The following STRADB variants were observed in gnomAD, a reference collection of about 807,000 sequenced individuals.
STRADB encodes the protein STE20 related adaptor beta.
Under a neutral mutation model 52.1 loss-of-function variants are expected in STRADB, and 34 were observed. The observed-to-expected ratio is 0.65, with a 90% CI of 0.50 to 0.87. STRADB has a LOEUF of 0.87. Among genes scored for constraint, STRADB ranks in the 40% least tolerant of loss-of-function variants. STRADB has a pLI of 0.00. For synonymous variants in STRADB, 133 were observed against 174.5 expected, an observed-to-expected ratio of 0.76 and a Z score of 1.87; for missense variants, 340 against 483.9, an observed-to-expected ratio of 0.70 and a Z score of 2.79.
intron 4 of STRADB, among the ~76,000 whole-genome samples, chr2:201,471,473 A>G (rs931827588): frequency 6.6e-6 from 1 of 152,210 alleles, no homozygotes. Flanking sequence ...CATGATGACA[A>G]TAATAGCATC....
chr2:201,463,892 G>A (rs1380435483), intron 3 of STRADB, among the ~76,000 whole-genome samples: 1 of 151,938 alleles, frequency 6.6e-6, no homozygotes, highest in East Asian at 1.9e-4. Flanking sequence ...GCATTCTTCA[G>A]TATGTCAGTT....
intron 2 of STRADB, 66 bp from the exon 3 acceptor site, chr2:201,458,718 C>A: frequency 1.4e-6 from 2 of 1,447,754 alleles, no homozygotes; most frequent in Non-Finnish European, 1.9e-6. Context: ...CTTTTTGTAT[C>A]TACATACCAC....
chr2:201,480,375 A>G lies in STRADB; in HGVS notation c.*200A>G. 1.5e-6 allele frequency: 2 copies of G among 1,359,564 alleles called. No individual in the cohort carries two copies. Among genetic ancestry groups the G allele is most frequent in the Non-Finnish European group, 1.9e-6 (2 of 1,059,334 alleles). 84.2% of individuals were successfully genotyped at this position (1,359,564 alleles called of 1,614,324 possible). A position where few individuals can be genotyped will look rare whatever the true frequency, so the allele number is the denominator to read the frequency against. On this transcript the variant is annotated 3_prime_UTR_variant, in exon 12 of 12. Coordinates refer to ENST00000194530, the MANE Select transcript of STRADB (RefSeq NM_018571.6). ...TTCGCACAGAGTACTATGACAAGGA[A>G]ACATCAGAATTACTAATCTAGCTAG...
intron 3 of STRADB, among the ~76,000 whole-genome samples, chr2:201,468,085 C>CTTTTTTTTTT (rs536551120): frequency 3.7e-4 from 26 of 71,028 alleles, no homozygotes; most frequent in African/African-American, 7.8e-4. Context: ...TTTTTTTTTT[C>CTTTTTTTTTT]TTTTTTTTTT....
At chr2:201,478,248 A>G in intron 9 of STRADB, 57 bp downstream of exon 9, 1 of 1,589,354 alleles carries the variant, frequency 6.3e-7, no homozygotes, top group Non-Finnish European at 8.6e-7. Flanking sequence ...CTTACATTCT[A>G]GATAATTTCT....
At chr2:201,456,905 G>A (rs774661493) in intron 2 of STRADB, among the ~76,000 whole-genome samples, 1 of 152,184 alleles carries the variant, frequency 6.6e-6, no homozygotes, top group Non-Finnish European at 1.5e-5. Context: ...TTCCCCCAGA[G>A]TTGTGACATG....
At chr2:201,477,556 G>A in intron 7 of STRADB, 63 bp from the exon 8 acceptor site, 1 of 1,510,042 alleles carries the variant, frequency 6.6e-7, no homozygotes, top group Non-Finnish European at 9.1e-7. Context: ...GTTCCTGCCA[G>A]ATTTTTATTC....
chr2:201,475,467 G>T (rs1952457752), intron 6 of STRADB, 152 bp from the exon 7 acceptor site: 1 of 831,792 alleles, frequency 1.2e-6, no homozygotes, highest in East Asian at 2.5e-5. Flanking sequence ...ATTCTTGAAA[G>T]AAAATCATGT....
chr2:201,477,667 C>T lies in STRADB; in HGVS notation c.597C>T (p.Thr199=). 6.2e-7 allele frequency: 1 copy of T among 1,611,084 alleles called. No homozygotes were observed. Among genetic ancestry groups the T allele is most frequent in the Non-Finnish European group, 8.5e-7 (1 of 1,177,714 alleles). ...HILISGDGLV[T]LSGLSHLHSL... ...TCATTTCTGGTGATGGCCTAGTGACCCTCTCTGGCCTGTCCCATCTGCATA... is the reference window on the plus strand; with the variant it reads ...TCATTTCTGGTGATGGCCTAGTGACTCTCTCTGGCCTGTCCCATCTGCATA... The change falls in exon 8 of 12, where the codon ACC becomes ACT. Residue 199 remains threonine (T), a synonymous_variant. Coordinates refer to ENST00000194530, the MANE Select transcript of STRADB (RefSeq NM_018571.6).
chr2:201,473,680 C>A (rs1385181605), intron 5 of STRADB, among the ~76,000 whole-genome samples: 2 of 152,124 alleles, frequency 1.3e-5, no homozygotes, highest in Non-Finnish European at 1.5e-5. Flanking sequence ...TTTTACAATA[C>A]TCCTAGTCAG....
Position 201,480,262 on chromosome 2 carries a change from T to G in STRADB, c.*87T>G, listed in dbSNP as rs141963957. 90 of 1,568,896 alleles carry G rather than the reference T, an allele frequency of 5.7e-5. 2 individuals are homozygous for G. The Middle Eastern group carries it at 1.9e-3, about 33-fold the overall frequency. ...GTATTTCTAGGTACAAATACCAGAA[T>G]TATACTTGAAAATACAGTTGGTGCA... is the stretch of plus-strand genomic sequence containing the variant. On this transcript the variant is annotated 3_prime_UTR_variant, in exon 12 of 12. Transcript: ENST00000194530.
At position 201,458,023 on chromosome 2, in the gene STRADB, C is replaced by CA. The variant is rs528442329; in HGVS notation, c.13-750dup. On this transcript the variant is annotated intron_variant, in intron 2 of 11. Transcript: ENST00000194530. ...TGGGTGACAGACTGAGACTCCGTCT[C>CA]AAAAAAAAAAAGAAAGAAATTTTTT... 9.8e-3 allele frequency among the ~76,000 whole-genome samples: 1,374 copies of CA among 139,998 alleles called. 28 individuals are homozygous for CA. The highest frequency in any genetic ancestry group is 0.033 in the African/African-American group (1,279 of 38,206). 91.8% of individuals were successfully genotyped at this position (139,998 alleles called of 152,430 possible).
rs150299772 is a variant in STRADB, at chr2:201,460,807, G to C, written c.93+1943G>C. 1.1e-3 allele frequency: 419 copies of C among 367,268 alleles called. 4 individuals carry two copies. Among genetic ancestry groups the C allele is most frequent in the African/African-American group, 7.7e-3 (371 of 48,348 alleles). 22.8% of individuals were successfully genotyped at this position (367,268 alleles called of 1,614,324 possible). On this transcript the variant is annotated intron_variant, in intron 3 of 11. Transcript: ENST00000194530. ...TTCTTCCAAGTCTTGGCTATTGTCA[G>C]TAGTGCTGCAATAAACATGGATGTG...
chr2:201,470,227 G>A (rs1952368376), intron 4 of STRADB, among the ~76,000 whole-genome samples, 175 bp downstream of exon 4: 1 of 152,300 alleles, frequency 6.6e-6, no homozygotes, highest in Middle Eastern at 3.4e-3. Flanking sequence ...TAATGACTCA[G>A]ATTTTTTCAA....
chr2:201,478,302 T>C (rs1952512649), intron 9 of STRADB, 55 bp from the exon 10 acceptor site: 1 of 1,603,310 alleles, frequency 6.2e-7, no homozygotes, highest in South Asian at 1.1e-5. Context: ...TTATTGTTGT[T>C]ACTGTTTTAA....
chr2:201,462,520 T>C (rs1292561399), intron 3 of STRADB, among the ~76,000 whole-genome samples: 1 of 152,202 alleles, frequency 6.6e-6, no homozygotes. Context: ...TATGTTTTAG[T>C]TTCTTGTTTT....
At chr2:201,472,822 G>T in intron 4 of STRADB, 133 bp from the exon 5 acceptor site, 1 of 791,232 alleles carries the variant, frequency 1.3e-6, no homozygotes, top group East Asian at 3.0e-5. Context: ...TTAATACTTT[G>T]AATCAGTAGT....
At chr2:201,473,121 A>C (rs1274992809) in intron 5 of STRADB, 45 bp downstream of exon 5, 8 of 1,561,308 alleles carry the variant, frequency 5.1e-6, no homozygotes, top group Non-Finnish European at 6.9e-6. Flanking sequence ...CTCTGTATCC[A>C]CTGGTTCCAC....
At position 201,459,111 on chromosome 2, in the gene STRADB, T is replaced by C. The variant is rs145508938; in HGVS notation, c.93+247T>C. 5.2e-3 allele frequency among the ~76,000 whole-genome samples: 788 copies of C among 152,324 alleles called. 7 individuals are homozygous for C. Among genetic ancestry groups the C allele is most frequent in the Non-Finnish European group, 6.5e-3 (445 of 68,020 alleles). On this transcript the variant is annotated intron_variant, in intron 3 of 11. Coordinates refer to ENST00000194530, the MANE Select transcript of STRADB (RefSeq NM_018571.6). ...AGTGTCCTTTACTATTTCTTCCTCCTGCCATTTTCCAGGAGTCTATAACTG... is the reference window on the plus strand; with the variant it reads ...AGTGTCCTTTACTATTTCTTCCTCCCGCCATTTTCCAGGAGTCTATAACTG...
Sources: gnomAD v4.1 joint callset for allele counts (sites outside exome capture counted in the v4.1 genomes callset) on GRCh38, gnomAD v4.1.1 for gene constraint, MANE v1.5 for transcripts, NCBI Gene and HGNC (gene_info 2026-07-23, HGNC 2026-07-21) for gene names.